The following UPB1 variants were observed in gnomAD, a reference collection of about 807,000 sequenced individuals.
The protein encoded by UPB1 is beta-ureidopropionase.
In UPB1, 40 loss-of-function variants were observed where a neutral mutation model predicts 49.1. That is an observed-to-expected ratio of 0.81 (90% CI 0.63 to 1.06). The LOEUF (loss-of-function observed/expected upper bound fraction) is 1.06, where lower values mean the gene tolerates loss of function less well. UPB1 is among the 50% of genes least tolerant of loss of function. UPB1 has a pLI of 0.00. For missense variants in UPB1, 499 were observed against 505.9 expected (o/e 0.99, Z 0.13); for synonymous variants, 207 against 198.2 (o/e 1.04, Z -0.38).
At chr22:24,512,068 C>G (rs1330561939) in intron 4 of UPB1, among the ~76,000 whole-genome samples, 1 of 151,888 alleles carries the variant, frequency 6.6e-6, no homozygotes, top group East Asian at 1.9e-4. Flanking sequence ...TGGGGCAGAG[C>G]TATAATCATG....
Position 24,510,284 on chromosome 22 carries a change from G to A in UPB1, c.365-465G>A, listed in dbSNP as rs541288874. Among the ~76,000 whole-genome samples, 51 of 151,672 alleles carry A rather than the reference G, an allele frequency of 3.4e-4. 2 individuals carry two copies. The South Asian group carries it at 0.01, about 30-fold the overall frequency. ...CTCTAAATACCTCCTATGAGTAGAC[G>A]CCTACAGTATTTGTTTTGTGTCTTA... On this transcript the variant is annotated intron_variant, in intron 3 of 9. Coordinates refer to ENST00000326010, the MANE Select transcript of UPB1 (RefSeq NM_016327.3).
intron 6 of UPB1, chr22:24,519,940 A>G (rs1410461761): frequency 2.5e-5 from 7 of 279,190 alleles, no homozygotes; most frequent in Non-Finnish European, 1.4e-5. Flanking sequence ...GGTGGGTTCC[A>G]GGAGAAGGGA....
chr22:24,502,258 G>T, intron 3 of UPB1, 45 bp downstream of exon 3: 1 of 1,571,556 alleles, frequency 6.4e-7, no homozygotes, highest in Non-Finnish European at 8.8e-7. Flanking sequence ...TCAAACAATT[G>T]TGTATTCTCT....
At chr22:24,507,788 C>T (rs188023448) in intron 3 of UPB1, among the ~76,000 whole-genome samples, 6 of 152,134 alleles carry the variant, frequency 3.9e-5, no homozygotes, top group South Asian at 2.1e-4. Flanking sequence ...GTGTCATGAC[C>T]GCCTCCAGAT....
intron 7 of UPB1, among the ~76,000 whole-genome samples, chr22:24,520,958 A>G: frequency 6.6e-6 from 1 of 152,106 alleles, no homozygotes; most frequent in African/African-American, 2.4e-5. Flanking sequence ...CGAGGCTGGC[A>G]GATCACCTGA....
intron 4 of UPB1, among the ~76,000 whole-genome samples, chr22:24,511,711 T>G (rs1324799344): frequency 6.6e-6 from 1 of 150,934 alleles, no homozygotes; most frequent in Non-Finnish European, 1.5e-5. Context: ...CCTCCTGGGT[T>G]CACGCCATTC....
chr22:24,502,727 G>T, intron 3 of UPB1: 2 of 559,008 alleles, frequency 3.6e-6, no homozygotes, highest in Non-Finnish European at 6.3e-6. Context: ...TAGTTCCTTT[G>T]GAATTTACCT....
intron 6 of UPB1, among the ~76,000 whole-genome samples, chr22:24,517,680 T>C (rs760179444): frequency 1.3e-5 from 2 of 152,252 alleles, no homozygotes; most frequent in Non-Finnish European, 2.9e-5. Context: ...ATTAGGCTTA[T>C]TAAAAATGAT....
chr22:24,519,592 C>G (rs956598339), intron 6 of UPB1, among the ~76,000 whole-genome samples: 1 of 152,182 alleles, frequency 6.6e-6, no homozygotes, highest in African/African-American at 2.4e-5. Flanking sequence ...CCTCCTGGGC[C>G]ACTAGCCCAC....
chr22:24,515,082 T>C, intron 5 of UPB1, 119 bp from the exon 6 acceptor site: 1 of 1,310,714 alleles, frequency 7.6e-7, no homozygotes, highest in Non-Finnish European at 1.1e-6. Context: ...TTCTGGAACT[T>C]AGAGTCACAC....
chr22:24,525,620 A>T, intron 9 of UPB1, 91 bp from the exon 10 acceptor site: 1 of 1,486,140 alleles, frequency 6.7e-7, no homozygotes. Flanking sequence ...CTGCCCCATG[A>T]CTGCCCTCCA....
At chr22:24,515,396 G>A in intron 6 of UPB1, 26 bp downstream of exon 6, 2 of 1,613,860 alleles carry the variant, frequency 1.2e-6, no homozygotes, top group Non-Finnish European at 1.7e-6. Context: ...GGGTCTGGGG[G>A]GCTTCCTGGG....
intron 1 of UPB1, among the ~76,000 whole-genome samples, chr22:24,498,754 T>C (rs1221887084): frequency 6.6e-6 from 1 of 152,150 alleles, no homozygotes; most frequent in Non-Finnish European, 1.5e-5. Flanking sequence ...TCACCTGACA[T>C]TTTCCTGGTG....
Position 24,521,511 on chromosome 22 carries a change from A to G in UPB1, c.874-475A>G, listed in dbSNP as rs175767. Among the ~76,000 whole-genome samples the G allele has an allele frequency of 7.6e-3, 1,163 of 152,280 alleles. 56 individuals carry two copies. The South Asian group carries it at 0.099, about 13-fold the overall frequency. ...AAATAATTAAATAAATAAATAGAAA[A>G]GAAACCTGATGTTTTAGTTAGCCTA... On this transcript the variant is annotated intron_variant, in intron 7 of 9. Coordinates refer to ENST00000326010, the MANE Select transcript of UPB1 (RefSeq NM_016327.3).
chr22:24,515,148 C>CT (rs2044270389), intron 5 of UPB1, 53 bp from the exon 6 acceptor site: 1 of 1,610,958 alleles, frequency 6.2e-7, no homozygotes, highest in Non-Finnish European at 8.5e-7. Context: ...TCTGCTGAGT[C>CT]TAAGGAAATC....
At chr22:24,515,077 G>T in intron 5 of UPB1, 124 bp from the exon 6 acceptor site, 2 of 1,265,110 alleles carry the variant, frequency 1.6e-6, no homozygotes, top group South Asian at 2.5e-5. Context: ...TGAAATTCTG[G>T]AACTTAGAGT....
chr22:24,514,832 A>G (rs2044265302), intron 5 of UPB1, among the ~76,000 whole-genome samples: 1 of 152,138 alleles, frequency 6.6e-6, no homozygotes, highest in Non-Finnish European at 1.5e-5. Context: ...ATATAATGAC[A>G]TGTGATTGCT....
rs62231899 is a variant in UPB1 at position 24,523,659 on chromosome 22, G to A, written c.957G>A (p.Val319=). ...DFGYFYGSSY[V]AAPDSSRTPG... is the part of the protein sequence containing the mutation. ...GCTACTTTTATGGCTCGAGCTATGTGGCAGCCCCTGACAGCAGCCGGACTC... is the reference window on the plus strand; with the variant it reads ...GCTACTTTTATGGCTCGAGCTATGTAGCAGCCCCTGACAGCAGCCGGACTC... Residue 319 remains valine, a synonymous_variant, in exon 9 of 10, where the codon GTG becomes GTA. Transcript: ENST00000326010. 16,470 of 1,614,226 alleles carry A rather than the reference G, an allele frequency of 0.01. 119 individuals carry two copies. Among genetic ancestry groups the A allele is most frequent in the South Asian group, 0.014 (1,313 of 91,088 alleles).
chr22:24,509,115 A>G (rs1419290984), intron 3 of UPB1, among the ~76,000 whole-genome samples: 52 of 152,274 alleles, frequency 3.4e-4, no homozygotes, highest in Non-Finnish European at 8.8e-5. Flanking sequence ...TATGGGAAAC[A>G]TTTACTCACA....
Sources: gnomAD v4.1 joint callset for allele counts (sites outside exome capture counted in the v4.1 genomes callset) on GRCh38, gnomAD v4.1.1 for gene constraint, MANE v1.5 for transcripts, NCBI Gene and HGNC (gene_info 2026-07-23, HGNC 2026-07-21) for gene names.